Variants in NIM1K observed in about 807,000 individuals in gnomAD.
The protein encoded by NIM1K is NIM1 serine/threonine protein kinase.
Under a neutral mutation model 37.1 loss-of-function variants are expected in NIM1K, and 35 were observed. The ratio of observed to expected loss-of-function variants is 0.94; its 90% CI spans 0.72 to 1.25. The LOEUF (loss-of-function observed/expected upper bound fraction) is 1.25. Among genes scored for constraint, NIM1K ranks in the 50% most tolerant of loss-of-function variants. NIM1K has a pLI of 0.00. For synonymous variants in NIM1K, 234 were observed against 206.6 expected (o/e 1.13, Z -1.14); for missense variants, 564 against 548.0 (o/e 1.03, Z -0.29).
chr5:43,198,884 G>GATTTTTAAAATTTTTAAAATTTTTAAA (rs1751975109), intron 1 of NIM1K, among the ~76,000 whole-genome samples: 4 of 152,042 alleles, frequency 2.6e-5, no homozygotes, highest in Admixed American at 6.6e-5. Flanking sequence ...CTGTTGTAAA[G>GATTTTTAAAATTTTTAAAATTTTTAAA]ATTTTTAAAA....
At chr5:43,236,662 C>T (rs1024813403) in intron 1 of NIM1K, among the ~76,000 whole-genome samples, 12 of 152,182 alleles carry the variant, frequency 7.9e-5, no homozygotes, top group African/African-American at 2.9e-4. Flanking sequence ...CTGTTCTAGG[C>T]GTTTGAGTCT....
chr5:43,273,856 G>C (rs539538430), intron 2 of NIM1K, among the ~76,000 whole-genome samples: 2 of 152,134 alleles, frequency 1.3e-5, no homozygotes, highest in African/African-American at 4.8e-5. Flanking sequence ...TAGGTGCTAT[G>C]CTTGTAAGAA....
rs553142190 is a variant in NIM1K at position 43,280,821 on chromosome 5, T to C, written c.*92T>C. 1.1e-4 allele frequency: 134 copies of C among 1,247,680 alleles called. No homozygotes were observed. Among genetic ancestry groups the C allele is most frequent in the Admixed American group, 2.5e-4 (10 of 40,674 alleles). 77.3% of individuals were successfully genotyped at this position (1,247,680 alleles called of 1,614,324 possible). ...ACTTGAGTGGAGACATTTTTGTAATTTTTAAATAAACTTAAATTTGAGATA... is the reference window on the plus strand; with the variant it reads ...ACTTGAGTGGAGACATTTTTGTAATCTTTAAATAAACTTAAATTTGAGATA... On this transcript the variant is annotated 3_prime_UTR_variant, in exon 4 of 4. Coordinates refer to ENST00000326035, the MANE Select transcript of NIM1K (RefSeq NM_153361.4).
intron 1 of NIM1K, chr5:43,232,917 C>G (rs1402918172): frequency 1.2e-5 from 14 of 1,157,762 alleles, no homozygotes; most frequent in Non-Finnish European, 1.8e-5. Flanking sequence ...GGTGGAAGAG[C>G]TGGTTGTAGG....
chr5:43,223,321 C>A (rs567149645), intron 1 of NIM1K, among the ~76,000 whole-genome samples: 1 of 152,084 alleles, frequency 6.6e-6, no homozygotes, highest in Non-Finnish European at 1.5e-5. Context: ...TTCTGTAAAC[C>A]TGATATATTA....
At chr5:43,233,037 A>G in intron 1 of NIM1K, 1 of 1,275,044 alleles carries the variant, frequency 7.8e-7, no homozygotes, top group Non-Finnish European at 1.1e-6. Flanking sequence ...TGAAGGAGTC[A>G]TCTCCTCCCC....
chr5:43,245,763 GC>G lies in NIM1K; in HGVS notation c.-8del, dbSNP rs548254635. ...CCTCTTCGCTGAGATGGAGACGTGA[GC>G]CCCCGTGGACGATGACTGCAGTGTA... On this transcript the variant is annotated 5_prime_UTR_variant, in exon 2 of 4. Coordinates refer to ENST00000326035, the MANE Select transcript of NIM1K (RefSeq NM_153361.4). The G allele has an allele frequency of 5.8e-3, 9,110 of 1,559,746 alleles. 29 individuals are homozygous for G. The highest frequency in any genetic ancestry group is 7.3e-3 in the Non-Finnish European group (8,405 of 1,149,112).
At chr5:43,243,368 C>A (rs1466536257) in intron 1 of NIM1K, among the ~76,000 whole-genome samples, 1 of 152,046 alleles carries the variant, frequency 6.6e-6, no homozygotes, top group Non-Finnish European at 1.5e-5. Context: ...GATCTAGTGC[C>A]ACTTGACCTT....
chr5:43,232,865 A>C, intron 1 of NIM1K: 3 of 1,087,420 alleles, frequency 2.8e-6, no homozygotes, highest in Non-Finnish European at 4.3e-6. Context: ...CTTCAGGCAT[A>C]GTTACTGGAA....
intron 1 of NIM1K, among the ~76,000 whole-genome samples, chr5:43,229,921 C>T (rs1314494639): frequency 6.6e-6 from 1 of 151,892 alleles, no homozygotes; most frequent in African/African-American, 2.4e-5. Context: ...TGTGAGCCAC[C>T]AAGCCCAGCC....
intron 1 of NIM1K, among the ~76,000 whole-genome samples, chr5:43,218,724 CT>C (rs70994612): frequency 0.016 from 2,236 of 141,024 alleles, 51 homozygotes; most frequent in African/African-American, 0.054. Context: ...TTCTTCTTTT[CT>C]TTTTTTTTTT....
chr5:43,258,848 T>C (rs73094592), intron 2 of NIM1K, among the ~76,000 whole-genome samples: 4,828 of 152,090 alleles, frequency 0.032, 283 homozygotes, highest in African/African-American at 0.11. Context: ...ACTGGTGAAA[T>C]CTTAGATTTT....
At position 43,264,557 on chromosome 5, in the gene NIM1K, C is replaced by T. The variant is rs909657973; in HGVS notation, c.293-12500C>T. Among the ~76,000 whole-genome samples, 6 of 152,044 alleles carry T rather than the reference C, an allele frequency of 3.9e-5. 1 individual carries two copies. The East Asian group carries it at 7.7e-4, about 20-fold the overall frequency. On this transcript the variant is annotated intron_variant, in intron 2 of 3. Transcript: ENST00000326035. ...GTCTCCTGAATACAGCACACTGATGCGTCTTGACTCTATCCAATTTGCCAG... is the reference window on the plus strand; with the variant it reads ...GTCTCCTGAATACAGCACACTGATGTGTCTTGACTCTATCCAATTTGCCAG...
chr5:43,257,174 G>A (rs184083991), intron 2 of NIM1K, among the ~76,000 whole-genome samples: 33 of 152,162 alleles, frequency 2.2e-4, no homozygotes, highest in African/African-American at 7.5e-4. Context: ...GGAAAGCCAG[G>A]AGTGTGGGTT....
intron 2 of NIM1K, among the ~76,000 whole-genome samples, chr5:43,246,405 G>C (rs868256745): frequency 2.0e-5 from 3 of 151,496 alleles, no homozygotes; most frequent in Non-Finnish European, 4.4e-5. Flanking sequence ...TGTCCTCTCC[G>C]GTGAGGCCCT....
At chr5:43,221,850 G>A (rs867495320) in intron 1 of NIM1K, among the ~76,000 whole-genome samples, 2 of 152,212 alleles carry the variant, frequency 1.3e-5, no homozygotes, top group Non-Finnish European at 2.9e-5. Flanking sequence ...GAATATTTAA[G>A]CAGGCAGCTT....
intron 2 of NIM1K, among the ~76,000 whole-genome samples, chr5:43,257,668 G>A (rs1392182433): frequency 6.6e-6 from 1 of 151,992 alleles, no homozygotes; most frequent in African/African-American, 2.4e-5. Flanking sequence ...ACTCTTTAAA[G>A]GGGTTTTACT....
intron 1 of NIM1K, among the ~76,000 whole-genome samples, chr5:43,209,305 G>A (rs1038071507): frequency 1.3e-5 from 2 of 152,148 alleles, no homozygotes; most frequent in South Asian, 2.1e-4. Context: ...ACTGGGAGCC[G>A]TAAGAGTGTT....
chr5:43,244,732 C>T (rs890220200), intron 1 of NIM1K, among the ~76,000 whole-genome samples: 2 of 152,026 alleles, frequency 1.3e-5, no homozygotes, highest in Non-Finnish European at 2.9e-5. Context: ...TTTTGAAAAC[C>T]ATTAGTAATC....
Sources: gnomAD v4.1 joint callset for allele counts (sites outside exome capture counted in the v4.1 genomes callset) on GRCh38, gnomAD v4.1.1 for gene constraint, MANE v1.5 for transcripts, NCBI Gene and HGNC (gene_info 2026-07-23, HGNC 2026-07-21) for gene names.